TRPV1: variants seen among roughly 807,000 people sequenced by gnomAD.
TRPV1 encodes the protein OTRPC1.
Under a neutral mutation model 82.3 loss-of-function variants are expected in TRPV1, and 82 were observed. The ratio of observed to expected loss-of-function variants is 1.00; its 90% CI spans 0.83 to 1.20. The LOEUF (loss-of-function observed/expected upper bound fraction) is 1.20, where lower values mean the gene tolerates loss of function less well. TRPV1 is among the 50% of genes most tolerant of loss of function. The probability of loss-of-function intolerance (pLI) is 0.00; values close to 1 mark genes in which losing one functional copy is unlikely to be tolerated. For missense variants in TRPV1, 1,067 were observed against 1,096.8 expected, an observed-to-expected ratio of 0.97 and a Z score of 0.38; for synonymous variants, 515 against 467.7, an observed-to-expected ratio of 1.10 and a Z score of -1.30.
intron 10 of TRPV1, among the ~76,000 whole-genome samples, chr17:3,582,496 T>C (rs2075033668): frequency 6.6e-6 from 1 of 152,098 alleles, no homozygotes; most frequent in Admixed American, 6.6e-5. Context: ...TCACTCTTCT[T>C]TAAAGAAGCT....
chr17:3,574,171 T>A (rs146513715), intron 13 of TRPV1, among the ~76,000 whole-genome samples: 5 of 152,232 alleles, frequency 3.3e-5, no homozygotes, highest in South Asian at 2.1e-4. Context: ...TAAGTCTCTA[T>A]GTGCAATGTG....
rs1053904050 is a variant in TRPV1 at position 3,601,481 on chromosome 17, C to G, written c.-34+6946G>C. 6.6e-5 allele frequency among the ~76,000 whole-genome samples: 10 copies of G among 152,004 alleles called. No homozygotes were observed. The South Asian group carries it at 2.1e-3, about 32-fold the overall frequency. On this transcript the variant is annotated intron_variant, in intron 2 of 16. Coordinates refer to ENST00000572705, the MANE Select transcript of TRPV1 (RefSeq NM_080704.4). ...CCACACTAAACGTGCTGACTCCACC[C>G]TTTCCCCCACCCTCCTCCATCCCAG...
intron 7 of TRPV1, chr17:3,588,813 TAAA>T (rs3837859): frequency 4.2e-4 from 381 of 903,300 alleles, no homozygotes; most frequent in African/African-American, 2.9e-3. Flanking sequence ...AAACCTCATC[TAAA>T]AAAAAAAAAA....
Position 3,571,528 on chromosome 17 carries a change from G to A in TRPV1, c.2343C>T (p.Ser781=). The A allele has an allele frequency of 6.3e-7, 1 of 1,598,716 alleles. No homozygotes were observed. Among genetic ancestry groups the A allele is most frequent in the Non-Finnish European group, 8.5e-7 (1 of 1,172,806 alleles). The change falls in exon 16 of 17, where the codon AGC becomes AGT. Residue 781 remains serine (S), a synonymous_variant. Transcript: ENST00000572705. ...GCACCGGCCCTCACGCCTCACCTCTGCTTGACCGCAGGGAGAAGCTCAGGG... is the reference window on the plus strand; with the variant it reads ...GCACCGGCCCTCACGCCTCACCTCTACTTGACCGCAGGGAGAAGCTCAGGG... ...KRTLSFSLRS[S]RVSGRHWKNF... is the part of the protein sequence containing the mutation.
At position 3,571,643 on chromosome 17, in the gene TRPV1, C is replaced by T. The variant is rs1379214819; in HGVS notation, c.2232-4G>A. 5 of 1,603,480 alleles carry T rather than the reference C, an allele frequency of 3.1e-6. No homozygotes were observed. Among genetic ancestry groups the T allele is most frequent in the East Asian group, 2.2e-5 (1 of 44,580 alleles). ...GGTCCAGTTCACCTCGTCCACCCTG[C>T]AGGGTAAGGGGTCGGGAGAGCCTGA... On this transcript the variant is annotated splice_polypyrimidine_tract_variant and splice_region_variant and intron_variant, in intron 15 of 16. Transcript: ENST00000572705.
chr17:3,589,973 A>G lies in TRPV1; in HGVS notation c.878T>C (p.Val293Ala). The G allele has an allele frequency of 6.4e-7, 1 of 1,561,586 alleles. No homozygotes were observed. The highest frequency in any genetic ancestry group is 1.4e-5 in the African/African-American group (1 of 73,444). Reference sequence around the variant, plus strand: ...GTCGGCCGTGTTGTCGGCCACCTCCACCAGGGCGTGCAGCACCGTGTTGCC... The same window carrying G: ...GTCGGCCGTGTTGTCGGCCACCTCCGCCAGGGCGTGCAGCACCGTGTTGCC... The part of the protein sequence containing the change: ...SVGNTVLHAL[V>A]EVADNTADNT... The change falls in exon 7 of 17, where the codon GTG becomes GCG. Residue 293 changes from valine to alanine, a missense_variant. Val to Ala is a moderately conservative substitution (Grantham distance 64). Coordinates refer to ENST00000572705, the MANE Select transcript of TRPV1 (RefSeq NM_080704.4).
intron 8 of TRPV1, 120 bp downstream of exon 8, chr17:3,588,068 G>T: frequency 1.6e-6 from 2 of 1,213,732 alleles, no homozygotes; most frequent in Non-Finnish European, 2.3e-6. Context: ...TGCAGGGCCT[G>T]GGCCCGGGCG....
chr17:3,567,590 C>A lies in TRPV1; in HGVS notation c.2348-603G>T, dbSNP rs537208020. Among the ~76,000 whole-genome samples the A allele has an allele frequency of 2.4e-4, 37 of 151,932 alleles. No homozygotes were observed. The South Asian group carries it at 7.5e-3, about 31-fold the overall frequency. On this transcript the variant is annotated intron_variant, in intron 16 of 16. Transcript: ENST00000572705. ...AGGAGAGCCCATCGCCTGCCCCTCTCGGCCTCCATCTCCTCCCTGCCCCAG... is the reference window on the plus strand; with the variant it reads ...AGGAGAGCCCATCGCCTGCCCCTCTAGGCCTCCATCTCCTCCCTGCCCCAG...
intron 7 of TRPV1, chr17:3,588,829 AAC>A: frequency 1.2e-5 from 17 of 1,369,898 alleles, no homozygotes; most frequent in African/African-American, 4.5e-5. Context: ...AAAAAAAAAA[AAC>A]AAAACACACA....
At chr17:3,598,642 T>A (rs1344645641) in intron 2 of TRPV1, among the ~76,000 whole-genome samples, 1 of 148,264 alleles carries the variant, frequency 6.7e-6, no homozygotes, top group Non-Finnish European at 1.5e-5. Context: ...CTCGGCTCAC[T>A]GCAACCTCTG....
Position 3,579,585 on chromosome 17 carries a change from C to T in TRPV1, c.1547+872G>A, listed in dbSNP as rs772250444. ...CTGTCTCCCGGGTACAAACAATTCT[C>T]CCACCTCAGCCTCCCGAGTAGCTGG... On this transcript the variant is annotated intron_variant, in intron 11 of 16. Coordinates refer to ENST00000572705, the MANE Select transcript of TRPV1 (RefSeq NM_080704.4). 2.6e-5 allele frequency among the ~76,000 whole-genome samples: 4 copies of T among 152,204 alleles called. No individual in the cohort carries two copies. In the South Asian group the frequency reaches 8.3e-4, roughly 32 times the overall value.
At chr17:3,606,117 C>T (rs539609600) in intron 2 of TRPV1, among the ~76,000 whole-genome samples, 1 of 152,248 alleles carries the variant, frequency 6.6e-6, no homozygotes, top group African/African-American at 2.4e-5. Context: ...GACCACCATG[C>T]CCGGCTAATT....
chr17:3,588,572 G>C (rs967054274), intron 7 of TRPV1, among the ~76,000 whole-genome samples: 1 of 152,140 alleles, frequency 6.6e-6, no homozygotes, highest in Non-Finnish European at 1.5e-5. Context: ...ACTTTGGGAG[G>C]CTGAGGCGGG....
chr17:3,604,832 C>T (rs1371038908), intron 2 of TRPV1, among the ~76,000 whole-genome samples: 2 of 152,020 alleles, frequency 1.3e-5, no homozygotes, highest in Non-Finnish European at 2.9e-5. Flanking sequence ...CCAGAACACC[C>T]TTCCTCCAAT....
chr17:3,586,143 G>A (rs920405578), intron 8 of TRPV1, among the ~76,000 whole-genome samples: 23 of 152,228 alleles, frequency 1.5e-4, no homozygotes, highest in Non-Finnish European at 2.9e-4. Flanking sequence ...TGGCCTCAGT[G>A]TCCCCAGAGG....
intron 13 of TRPV1, 104 bp from the exon 14 acceptor site, chr17:3,574,059 A>G: frequency 9.5e-7 from 1 of 1,053,912 alleles, no homozygotes; most frequent in Non-Finnish European, 1.3e-6. Flanking sequence ...ACTTTGTGAC[A>G]AGTTATTTTT....
In TRPV1 at chr17:3,583,871, G is replaced by A. The variant is rs117010888; in HGVS notation, c.1384-441C>T. On this transcript the variant is annotated intron_variant, in intron 9 of 16. Coordinates refer to ENST00000572705, the MANE Select transcript of TRPV1 (RefSeq NM_080704.4). ...GAGAGACTGTGCCACACACACTTGT[G>A]GGTGTCACCCTTGTATTTCAGTGGC... 4.6e-4 allele frequency among the ~76,000 whole-genome samples: 70 copies of A among 152,300 alleles called. 2 individuals are homozygous for A. In the East Asian group the frequency reaches 0.013, roughly 29 times the overall value.
intron 2 of TRPV1, among the ~76,000 whole-genome samples, chr17:3,603,728 T>C (rs1293922404): frequency 6.6e-6 from 1 of 152,192 alleles, no homozygotes; most frequent in Non-Finnish European, 1.5e-5. Context: ...CTAATTGTTT[T>C]TTAATGAAAA....
chr17:3,599,435 C>A (rs150052062), intron 2 of TRPV1, among the ~76,000 whole-genome samples: 1 of 152,186 alleles, frequency 6.6e-6, no homozygotes, highest in Non-Finnish European at 1.5e-5. Context: ...CACTAACTCC[C>A]CTTCCCGACC....
Sources: allele counts gnomAD v4.1 joint callset (sites outside exome capture counted in the v4.1 genomes callset), GRCh38; gene constraint gnomAD v4.1.1; transcripts MANE v1.5; gene names NCBI Gene and HGNC (gene_info 2026-07-23, HGNC 2026-07-21).